Variants in MTSS1 observed in about 807,000 individuals in gnomAD.
The protein encoded by MTSS1 is MTSS I-BAR domain containing 1.
MTSS1 carries 18 observed loss-of-function variants against 79.0 expected under a neutral mutation model. The observed-to-expected ratio is 0.23, with a 90% CI of 0.16 to 0.34. The LOEUF (loss-of-function observed/expected upper bound fraction) is 0.34. MTSS1 is among the 10% of genes least tolerant of loss of function. The pLI is 1.00. For synonymous variants in MTSS1, 341 were observed against 368.6 expected, an observed-to-expected ratio of 0.93 and a Z score of 0.86; for missense variants, 815 against 986.2, an observed-to-expected ratio of 0.83 and a Z score of 2.33.
chr8:124,559,616 G>A (rs901518458), intron 10 of MTSS1, among the ~76,000 whole-genome samples: 4 of 152,170 alleles, frequency 2.6e-5, no homozygotes, highest in African/African-American at 4.8e-5. Context: ...CACGGCATGC[G>A]CTCCCAGTCT....
chr8:124,689,518 G>C (rs1374444963), intron 3 of MTSS1, among the ~76,000 whole-genome samples: 1 of 152,004 alleles, frequency 6.6e-6, no homozygotes. Context: ...GGCTGAGGCA[G>C]GCGGATCACC....
chr8:124,589,323 G>T (rs4007924), intron 5 of MTSS1, among the ~76,000 whole-genome samples: 2 of 152,124 alleles, frequency 1.3e-5, no homozygotes, highest in African/African-American at 4.8e-5. Context: ...GAGCCACCGC[G>T]CCCACCCTGT....
chr8:124,723,696 C>CA (rs1408074793), intron 1 of MTSS1, among the ~76,000 whole-genome samples: 4 of 152,200 alleles, frequency 2.6e-5, no homozygotes, highest in Non-Finnish European at 5.9e-5. Flanking sequence ...CTTCTTCTCC[C>CA]ATGGGCCCAA....
At chr8:124,573,360 G>T (rs984799407) in intron 6 of MTSS1, among the ~76,000 whole-genome samples, 1 of 152,234 alleles carries the variant, frequency 6.6e-6, no homozygotes, top group South Asian at 2.1e-4. Context: ...CCCAGATTAG[G>T]CTTCTCTTAC....
chr8:124,700,553 C>T (rs1829562106), intron 2 of MTSS1, among the ~76,000 whole-genome samples: 2 of 152,298 alleles, frequency 1.3e-5, no homozygotes, highest in South Asian at 4.2e-4. Context: ...AACCTTAGGA[C>T]ACTATTTCAA....
intron 3 of MTSS1, among the ~76,000 whole-genome samples, chr8:124,697,308 C>T (rs2135367194): frequency 6.6e-6 from 1 of 151,184 alleles, no homozygotes; most frequent in Middle Eastern, 3.4e-3. Context: ...GCCTGTAATC[C>T]CAGCACTATG....
intron 2 of MTSS1, among the ~76,000 whole-genome samples, chr8:124,701,963 A>G (rs1035017757): frequency 1.3e-5 from 2 of 152,236 alleles, no homozygotes; most frequent in African/African-American, 4.8e-5. Context: ...GTTTAACAAA[A>G]TAATAAAGAA....
chr8:124,557,981 A>G (rs1462424403), intron 10 of MTSS1, 106 bp from the exon 11 acceptor site: 1 of 837,080 alleles, frequency 1.2e-6, no homozygotes, highest in Admixed American at 2.8e-5. Context: ...GGAAACCTGA[A>G]TATTTATAAA....
rs150579023 is a variant in MTSS1 at position 124,602,396 on chromosome 8, C to T, written c.209-11161G>A. Among the ~76,000 whole-genome samples the T allele has an allele frequency of 7.2e-5, 11 of 151,854 alleles. No homozygotes were observed. In the East Asian group the frequency reaches 1.2e-3, roughly 16 times the overall value. ...TGTATTTTTAGTAGAGATGGGGTTT[C>T]GCCATGTTGGCCAGGCTAGTCTTGA... is the stretch of plus-strand genomic sequence containing the variant. On this transcript the variant is annotated intron_variant, in intron 3 of 13. Coordinates refer to ENST00000518547, the MANE Select transcript of MTSS1 (RefSeq NM_014751.6).
intron 3 of MTSS1, among the ~76,000 whole-genome samples, chr8:124,680,854 T>C (rs1231661424): frequency 6.6e-6 from 1 of 152,204 alleles, no homozygotes; most frequent in Admixed American, 6.5e-5. Context: ...TTTGAGGTCA[T>C]TGCTTCTCTG....
At chr8:124,579,521 A>G (rs1488146268) in intron 6 of MTSS1, 1 of 152,228 alleles carries the variant, frequency 6.6e-6, no homozygotes, top group African/African-American at 2.4e-5. Flanking sequence ...AAATTCTGTG[A>G]TGTGAATTTT....
chr8:124,676,412 C>T (rs1452068216), intron 3 of MTSS1, among the ~76,000 whole-genome samples: 3 of 152,218 alleles, frequency 2.0e-5, no homozygotes, highest in Admixed American at 1.3e-4. Context: ...TCAGACCTTT[C>T]TTTGAACAGA....
At chr8:124,621,125 C>T (rs1813418538) in intron 3 of MTSS1, among the ~76,000 whole-genome samples, 1 of 152,178 alleles carries the variant, frequency 6.6e-6, no homozygotes, top group Non-Finnish European at 1.5e-5. Flanking sequence ...CTTTCCTCCA[C>T]CCAAACCCAC....
intron 1 of MTSS1, among the ~76,000 whole-genome samples, chr8:124,707,446 G>A (rs1395978962): frequency 6.6e-6 from 1 of 151,536 alleles, no homozygotes; most frequent in Non-Finnish European, 1.5e-5. Flanking sequence ...GGCCAGGCAC[G>A]GTAGCTCACG....
At chr8:124,587,145 G>A (rs1442382867) in intron 5 of MTSS1, among the ~76,000 whole-genome samples, 3 of 152,210 alleles carry the variant, frequency 2.0e-5, no homozygotes, top group African/African-American at 7.2e-5. Flanking sequence ...CTGCGCAGGA[G>A]AGCAGGTTCC....
chr8:124,551,575 G>A lies in MTSS1; in HGVS notation c.*1417C>T, dbSNP rs1409271517. 3.3e-5 allele frequency: 5 copies of A among 152,590 alleles called. No homozygotes were observed. Among genetic ancestry groups the A allele is most frequent in the East Asian group, 1.9e-4 (1 of 5,206 alleles). The allele number at this position is 152,590 out of a possible 1,614,324, so 9.5% of individuals were successfully genotyped here. On this transcript the variant is annotated 3_prime_UTR_variant, in exon 14 of 14. Coordinates refer to ENST00000518547, the MANE Select transcript of MTSS1 (RefSeq NM_014751.6). The stretch of plus-strand genomic sequence containing the variant: ...CTCCTCCTCTGCCTTGAGAGGGTTC[G>A]GTCAGAAATGTGCCCTGTTATGACC...
At chr8:124,587,827 C>T (rs1424309918) in intron 5 of MTSS1, among the ~76,000 whole-genome samples, 1 of 152,140 alleles carries the variant, frequency 6.6e-6, no homozygotes, top group African/African-American at 2.4e-5. Flanking sequence ...TTTAATATAA[C>T]TGCTAAGTAT....
At chr8:124,634,769 T>TCAG (rs1816684335) in intron 3 of MTSS1, among the ~76,000 whole-genome samples, 1 of 151,816 alleles carries the variant, frequency 6.6e-6, no homozygotes. Flanking sequence ...GCTCCCTGAA[T>TCAG]CAGCAGCAGC....
At chr8:124,679,014 TTGGCATTCGAAGGCTTAAACTC>T (rs1825739579) in intron 3 of MTSS1, among the ~76,000 whole-genome samples, 1 of 152,250 alleles carries the variant, frequency 6.6e-6, no homozygotes, top group Non-Finnish European at 1.5e-5. Context: ...CAGGAGATCC[TTGGCATTCGAAGGCTTAAACTC>T]TCATGGTTGG....
Sources: gnomAD v4.1 joint callset for allele counts (sites outside exome capture counted in the v4.1 genomes callset) on GRCh38, gnomAD v4.1.1 for gene constraint, MANE v1.5 for transcripts, NCBI Gene and HGNC (gene_info 2026-07-23, HGNC 2026-07-21) for gene names.